Variants in ITGA8 observed in about 807,000 individuals in gnomAD.
The protein encoded by ITGA8 is integrin subunit alpha 8.
ITGA8 carries 91 observed loss-of-function variants against 142.3 expected under a neutral mutation model. That is an observed-to-expected ratio of 0.64 (90% confidence interval 0.54 to 0.76). ITGA8 has a LOEUF of 0.76. Among genes scored for constraint, ITGA8 ranks in the 30% least tolerant of loss-of-function variants. The probability of loss-of-function intolerance (pLI) is 0.00; values close to 1 mark genes in which losing one functional copy is unlikely to be tolerated. For missense variants in ITGA8, 1,406 were observed against 1,327.7 expected (o/e 1.06, Z -0.92); for synonymous variants, 505 against 485.2 (o/e 1.04, Z -0.54).
intron 13 of ITGA8, among the ~76,000 whole-genome samples, chr10:15,631,315 C>A (rs1278539005): frequency 6.6e-6 from 1 of 151,868 alleles, no homozygotes; most frequent in Non-Finnish European, 1.5e-5. Context: ...TGGAACCAAC[C>A]CAAAAGCCTA....
At chr10:15,683,316 C>CCCAG (rs1192004730) in intron 4 of ITGA8, among the ~76,000 whole-genome samples, 53 of 142,184 alleles carry the variant, frequency 3.7e-4, no homozygotes, top group Non-Finnish European at 7.1e-4. Context: ...CACCCACCCA[C>CCCAG]CCACCCACCC....
rs192901174 is a variant in ITGA8, at chr10:15,654,999, T to A, written c.1001+355A>T. On this transcript the variant is annotated intron_variant, in intron 11 of 29. Coordinates refer to ENST00000378076, the MANE Select transcript of ITGA8 (RefSeq NM_003638.3). ...ACTTAAAAATCCGTTTATGTGCAAATGTTTTGTGAATGTATCACATGCTAG... is the reference window on the plus strand; with the variant it reads ...ACTTAAAAATCCGTTTATGTGCAAAAGTTTTGTGAATGTATCACATGCTAG... Among the ~76,000 whole-genome samples the A allele has an allele frequency of 2.5e-3, 379 of 152,342 alleles. 1 individual carries two copies. Among genetic ancestry groups the A allele is most frequent in the African/African-American group, 8.7e-3 (361 of 41,586 alleles).
chr10:15,707,348 A>T (rs985237372), intron 2 of ITGA8, among the ~76,000 whole-genome samples: 1 of 152,206 alleles, frequency 6.6e-6, no homozygotes, highest in African/African-American at 2.4e-5. Context: ...GTGGAAGAAG[A>T]TGTTGCTGCT....
At position 15,574,718 on chromosome 10, in the gene ITGA8, T is replaced by A. The variant is rs1204054758; in HGVS notation, c.2478+771A>T. 7.3e-5 allele frequency among the ~76,000 whole-genome samples: 11 copies of A among 151,568 alleles called. No homozygotes were observed. The East Asian group carries it at 7.7e-4, about 11-fold the overall frequency. ...TTATATATATGTATATATATATTTT[T>A]TTTTTAGCACAATAATGAATAGTTC... On this transcript the variant is annotated intron_variant, in intron 24 of 29. Coordinates refer to ENST00000378076, the MANE Select transcript of ITGA8 (RefSeq NM_003638.3).
At chr10:15,639,157 C>A (rs1429279176) in intron 13 of ITGA8, among the ~76,000 whole-genome samples, 2 of 152,000 alleles carry the variant, frequency 1.3e-5, no homozygotes, top group South Asian at 2.1e-4. Flanking sequence ...TTGCCCCTGC[C>A]CCTTCCTGAG....
chr10:15,670,012 C>T (rs1353600444), intron 8 of ITGA8, among the ~76,000 whole-genome samples: 1 of 152,130 alleles, frequency 6.6e-6, no homozygotes, highest in African/African-American at 2.4e-5. Flanking sequence ...AAGCTGCGTG[C>T]TGGGAGAACC....
chr10:15,690,087 C>A (rs1210932030), intron 2 of ITGA8, among the ~76,000 whole-genome samples: 1 of 152,086 alleles, frequency 6.6e-6, no homozygotes, highest in Non-Finnish European at 1.5e-5. Context: ...AGCTGTACTA[C>A]CCAACTATTG....
At chr10:15,662,652 T>C (rs1164658154) in intron 8 of ITGA8, among the ~76,000 whole-genome samples, 1 of 152,154 alleles carries the variant, frequency 6.6e-6, no homozygotes, top group Non-Finnish European at 1.5e-5. Context: ...AGGTTTTTAA[T>C]AATCAATATA....
rs1036864491 is a variant in ITGA8, at chr10:15,705,306, C to T, written c.343+13460G>A. On this transcript the variant is annotated intron_variant, in intron 2 of 29. Coordinates refer to ENST00000378076, the MANE Select transcript of ITGA8 (RefSeq NM_003638.3). ...CCAACCTTCTCTTTGACCTCCTCAA[C>T]CTCAGATGGTGACTTTGCTTGTTGT... 2.6e-5 allele frequency among the ~76,000 whole-genome samples: 4 copies of T among 152,230 alleles called. No homozygotes were observed. In the South Asian group the frequency reaches 8.3e-4, roughly 31 times the overall value.
chr10:15,681,473 T>G (rs1303469987), intron 4 of ITGA8, among the ~76,000 whole-genome samples: 1 of 152,220 alleles, frequency 6.6e-6, no homozygotes, highest in Non-Finnish European at 1.5e-5. Flanking sequence ...GTTGAGCTGT[T>G]AGGCTACTGT....
intron 27 of ITGA8, among the ~76,000 whole-genome samples, chr10:15,539,207 C>T (rs1173415287): frequency 6.7e-6 from 1 of 148,706 alleles, no homozygotes; most frequent in African/African-American, 2.5e-5. Flanking sequence ...ATCATGGAAC[C>T]TACCTCAAAC....
At chr10:15,595,871 G>C (rs182376413) in intron 21 of ITGA8, among the ~76,000 whole-genome samples, 159 of 152,244 alleles carry the variant, frequency 1.0e-3, no homozygotes, top group African/African-American at 3.5e-3. Flanking sequence ...TTCGAGACCA[G>C]CCTGGCCCCC....
At chr10:15,592,390 G>A (rs894065154) in intron 21 of ITGA8, 86 bp from the exon 22 acceptor site, 24 of 963,202 alleles carry the variant, frequency 2.5e-5, no homozygotes, top group Middle Eastern at 4.9e-4. Flanking sequence ...ACCCCACCCT[G>A]GATCACTGTA....
intron 20 of ITGA8, among the ~76,000 whole-genome samples, chr10:15,599,030 C>T (rs1206128211): frequency 1.3e-5 from 2 of 151,738 alleles, no homozygotes; most frequent in East Asian, 1.9e-4. Flanking sequence ...AAAAATCTTC[C>T]GTAAGTCCTC....
chr10:15,665,839 T>C (rs1834380633), intron 8 of ITGA8, among the ~76,000 whole-genome samples: 1 of 152,174 alleles, frequency 6.6e-6, no homozygotes, highest in Non-Finnish European at 1.5e-5. Context: ...ATATGCGGCA[T>C]TATTTCTGAG....
intron 13 of ITGA8, among the ~76,000 whole-genome samples, chr10:15,628,208 T>C (rs1350036026): frequency 6.6e-6 from 1 of 151,860 alleles, no homozygotes; most frequent in Non-Finnish European, 1.5e-5. Context: ...TAACAGTAAG[T>C]ATAAGCAGCT....
chr10:15,554,833 C>G (rs1833860591), intron 26 of ITGA8, among the ~76,000 whole-genome samples: 1 of 151,668 alleles, frequency 6.6e-6, no homozygotes, highest in African/African-American at 2.4e-5. Context: ...CCTCAGGAAA[C>G]TTACAAGCAT....
chr10:15,664,492 T>C (rs537567047), intron 8 of ITGA8, among the ~76,000 whole-genome samples: 32 of 133,132 alleles, frequency 2.4e-4, no homozygotes, highest in Non-Finnish European at 4.5e-4. Flanking sequence ...GGTGACCATA[T>C]TTCATTTACT....
In ITGA8 at chr10:15,526,619, A is replaced by T. The variant is rs45485799; in HGVS notation, c.2982+4431T>A. On this transcript the variant is annotated intron_variant, in intron 28 of 29. Coordinates refer to ENST00000378076, the MANE Select transcript of ITGA8 (RefSeq NM_003638.3). ...AAGAAGTTTCATGTTGAGTAACTGG[A>T]GTACTTAAATTTAGGGAGAACAATT... Among the ~76,000 whole-genome samples, 1,487 of 152,336 alleles carry T rather than the reference A, an allele frequency of 9.8e-3. 9 individuals are homozygous for T. The highest frequency in any genetic ancestry group is 0.014 in the Non-Finnish European group (934 of 68,036).
Sources: gnomAD v4.1 joint callset for allele counts (sites outside exome capture counted in the v4.1 genomes callset) on GRCh38, gnomAD v4.1.1 for gene constraint, MANE v1.5 for transcripts, NCBI Gene and HGNC (gene_info 2026-07-23, HGNC 2026-07-21) for gene names.